The following ROBO2 variants were observed in gnomAD, a reference collection of about 807,000 sequenced individuals.
ROBO2 encodes the protein roundabout guidance receptor 2.
ROBO2 carries 53 observed loss-of-function variants against 160.8 expected under a neutral mutation model. That is an observed-to-expected ratio of 0.33 (90% confidence interval 0.26 to 0.41). ROBO2 has a LOEUF of 0.41. ROBO2 is among the 10% of genes least tolerant of loss of function. The pLI is 1.00. For synonymous variants in ROBO2, 664 were observed against 611.7 expected (o/e 1.09, Z -1.26); for missense variants, 1,577 against 1,722.4 (o/e 0.92, Z 1.49).
intron 2 of ROBO2, among the ~76,000 whole-genome samples, chr3:77,229,685 G>C (rs1190820430): frequency 6.6e-6 from 1 of 151,016 alleles, no homozygotes; most frequent in Admixed American, 6.6e-5. Flanking sequence ...AAAAGAGAGA[G>C]AATGGACCAA....
At chr3:77,334,750 A>ATT (rs398106064) in intron 2 of ROBO2, among the ~76,000 whole-genome samples, 1 of 151,970 alleles carries the variant, frequency 6.6e-6, no homozygotes, top group Non-Finnish European at 1.5e-5. Context: ...ATATATATAT[A>ATT]GTGGGTCTTA....
At chr3:76,277,823 A>G (rs1278248339) in intron 2 of ROBO2, among the ~76,000 whole-genome samples, 1 of 151,950 alleles carries the variant, frequency 6.6e-6, no homozygotes, top group African/African-American at 2.4e-5. Context: ...AGTTAATACC[A>G]ACTTTATTGG....
chr3:77,371,022 G>T (rs2071680463), intron 2 of ROBO2, among the ~76,000 whole-genome samples: 1 of 152,106 alleles, frequency 6.6e-6, no homozygotes, highest in African/African-American at 2.4e-5. Flanking sequence ...AGTGCATCCT[G>T]GAAAAAGAGC....
intron 2 of ROBO2, among the ~76,000 whole-genome samples, chr3:76,807,773 C>T (rs991877104): frequency 6.6e-6 from 1 of 151,912 alleles, no homozygotes; most frequent in Non-Finnish European, 1.5e-5. Flanking sequence ...TATATGTATT[C>T]TAAAGAGATG....
intron 2 of ROBO2, among the ~76,000 whole-genome samples, chr3:76,954,791 C>A (rs6777168): frequency 1.3e-5 from 2 of 152,256 alleles, no homozygotes; most frequent in Admixed American, 6.5e-5. Context: ...TCATGATGAA[C>A]AAAATCATTA....
chr3:76,397,006 T>A (rs993171839), intron 2 of ROBO2, among the ~76,000 whole-genome samples: 1 of 151,926 alleles, frequency 6.6e-6, no homozygotes, highest in South Asian at 2.1e-4. Context: ...AAAAGAGCCT[T>A]CATCGCCAAG....
intron 2 of ROBO2, among the ~76,000 whole-genome samples, chr3:77,218,151 G>T (rs1169017330): frequency 2.6e-5 from 4 of 152,070 alleles, no homozygotes; most frequent in Admixed American, 6.6e-5. Context: ...ATCATGTATG[G>T]ATGTGTTCAA....
chr3:76,599,122 A>C (rs1489928457), intron 2 of ROBO2, among the ~76,000 whole-genome samples: 1 of 152,174 alleles, frequency 6.6e-6, no homozygotes, highest in Non-Finnish European at 1.5e-5. Flanking sequence ...TTTATTATAG[A>C]GGTAAACTCA....
intron 2 of ROBO2, among the ~76,000 whole-genome samples, chr3:76,663,327 A>G (rs1327496547): frequency 6.6e-6 from 1 of 152,180 alleles, no homozygotes; most frequent in East Asian, 1.9e-4. Flanking sequence ...AGCCTGTGTA[A>G]TATCCACATG....
chr3:75,939,136 C>A (rs944146068), intron 2 of ROBO2, among the ~76,000 whole-genome samples: 14 of 149,516 alleles, frequency 9.4e-5, no homozygotes, highest in African/African-American at 3.0e-4. Context: ...ATGTAGACAG[C>A]CGCGTTGGGT....
chr3:77,279,733 G>C (rs563757815), intron 2 of ROBO2, among the ~76,000 whole-genome samples: 30 of 151,862 alleles, frequency 2.0e-4, no homozygotes, highest in African/African-American at 7.0e-4. Context: ...TTACTTCACT[G>C]TGGATAAAAA....
intron 2 of ROBO2, among the ~76,000 whole-genome samples, chr3:77,362,929 C>T (rs1241690745): frequency 6.6e-6 from 1 of 152,002 alleles, no homozygotes; most frequent in Non-Finnish European, 1.5e-5. Flanking sequence ...AAAAAGATGC[C>T]CCCAAGATTC....
intron 2 of ROBO2, among the ~76,000 whole-genome samples, chr3:77,294,636 AAGC>A (rs1191796974): frequency 6.7e-6 from 1 of 149,656 alleles, no homozygotes; most frequent in Non-Finnish European, 1.5e-5. Flanking sequence ...TTAAACGGGT[AAGC>A]TGAGGCTAGA....
At position 76,659,639 on chromosome 3, in the gene ROBO2, C is replaced by T. The variant is rs575322736; in HGVS notation, c.110-438375C>T. ...AATAGATGTTTTAAAAGGAAGCCTACGACTTAGATGTTAAAATGCAAGTTT... is the reference window on the plus strand; with the variant it reads ...AATAGATGTTTTAAAAGGAAGCCTATGACTTAGATGTTAAAATGCAAGTTT... On this transcript the variant is annotated intron_variant, in intron 2 of 26. Transcript: ENST00000487694. Among the ~76,000 whole-genome samples the T allele has an allele frequency of 1.6e-4, 25 of 152,112 alleles. 1 individual carries two copies. The highest frequency in any genetic ancestry group is 8.5e-4 in the Admixed American group (13 of 15,272).
rs1582257724 is a variant in ROBO2 at position 77,473,766 on chromosome 3, C to CT, written c.389-3645dup. 2.0e-5 allele frequency among the ~76,000 whole-genome samples: 3 copies of CT among 152,128 alleles called. No homozygotes were observed. In the East Asian group the frequency reaches 5.8e-4, roughly 30 times the overall value. ...CCACCGCGCCTGGCTGCAGGCTGCT[C>CT]TTTGTTAGAAATTATTTGGGGCTGT... is the stretch of plus-strand genomic sequence containing the variant. On this transcript the variant is annotated intron_variant, in intron 2 of 25. Coordinates refer to ENST00000461745, the Ensembl canonical transcript of ROBO2.
At chr3:77,120,235 G>A (rs1043984956) in intron 2 of ROBO2, among the ~76,000 whole-genome samples, 8 of 152,172 alleles carry the variant, frequency 5.3e-5, no homozygotes, top group African/African-American at 1.7e-4. Context: ...TTTGTCCTAC[G>A]GGCAAGGTAG....
At chr3:76,936,477 GA>G (rs2077708311) in intron 2 of ROBO2, among the ~76,000 whole-genome samples, 1 of 152,004 alleles carries the variant, frequency 6.6e-6, no homozygotes, top group African/African-American at 2.4e-5. Context: ...GGCAGTAAAT[GA>G]AAATGTAAGG....
At chr3:76,866,532 T>C (rs1172913853) in intron 2 of ROBO2, among the ~76,000 whole-genome samples, 6 of 152,140 alleles carry the variant, frequency 3.9e-5, no homozygotes, top group African/African-American at 1.4e-4. Flanking sequence ...TAAACTAAAA[T>C]TAATCCATTT....
chr3:76,794,347 A>G (rs979460231), intron 2 of ROBO2, among the ~76,000 whole-genome samples: 1 of 152,020 alleles, frequency 6.6e-6, no homozygotes, highest in Non-Finnish European at 1.5e-5. Context: ...TTCTAAATTT[A>G]GAAACACTTG....
Sources: allele counts gnomAD v4.1 joint callset (sites outside exome capture counted in the v4.1 genomes callset), GRCh38; gene constraint gnomAD v4.1.1; transcripts MANE v1.5; gene names NCBI Gene and HGNC (gene_info 2026-07-23, HGNC 2026-07-21).